Variants in UBR3 observed in about 807,000 individuals in gnomAD.
UBR3 encodes ubiquitin protein ligase E3 component n-recognin 3, also known as E3 ubiquitin-protein ligase UBR3.
UBR3 carries 85 observed loss-of-function variants against 243.2 expected under a neutral mutation model. That is an observed-to-expected ratio of 0.35 (90% confidence interval 0.29 to 0.42). UBR3 has a LOEUF of 0.42. UBR3 is among the 10% of genes least tolerant of loss of function. The pLI is 1.00. For missense variants in UBR3, 1,686 were observed against 2,300.8 expected, an observed-to-expected ratio of 0.73 and a Z score of 5.47; for synonymous variants, 748 against 799.8, an observed-to-expected ratio of 0.94 and a Z score of 1.09.
chr2:170,066,017 T>G (rs895026371), intron 35 of UBR3, among the ~76,000 whole-genome samples: 1 of 152,008 alleles, frequency 6.6e-6, no homozygotes, highest in East Asian at 1.9e-4. Flanking sequence ...TTAAGAGTTA[T>G]GTTTTCTATG....
intron 10 of UBR3, among the ~76,000 whole-genome samples, chr2:169,909,409 A>G (rs1234379594): frequency 6.6e-6 from 1 of 152,162 alleles, no homozygotes; most frequent in Non-Finnish European, 1.5e-5. Flanking sequence ...TTAAGAGGCT[A>G]TGGTAAATTG....
intron 27 of UBR3, 35 bp from the exon 28 acceptor site, chr2:170,006,955 A>C: frequency 1.3e-6 from 2 of 1,590,320 alleles, no homozygotes; most frequent in South Asian, 2.2e-5. Context: ...ATGAATGTGT[A>C]TATCACGCAT....
intron 24 of UBR3, among the ~76,000 whole-genome samples, chr2:169,959,451 A>G (rs574241438): frequency 6.6e-6 from 1 of 151,870 alleles, no homozygotes; most frequent in Non-Finnish European, 1.5e-5. Flanking sequence ...CCACAAGTGG[A>G]AAGTTTTTAA....
At chr2:170,067,936 C>G (rs2091613194) in intron 35 of UBR3, among the ~76,000 whole-genome samples, 1 of 151,624 alleles carries the variant, frequency 6.6e-6, no homozygotes, top group Non-Finnish European at 1.5e-5. Context: ...GCCTGGCTAT[C>G]TTTTTTTATT....
At chr2:169,994,507 T>C in intron 26 of UBR3, 51 bp downstream of exon 26, 1 of 1,555,470 alleles carries the variant, frequency 6.4e-7, no homozygotes, top group Non-Finnish European at 8.8e-7. Flanking sequence ...TGATGGTTAT[T>C]TCCCTCCAGA....
intron 23 of UBR3, 112 bp from the exon 24 acceptor site, chr2:169,958,326 G>T: frequency 2.6e-6 from 2 of 779,000 alleles, no homozygotes; most frequent in South Asian, 2.1e-5. Context: ...ACAGAAAATA[G>T]ATTGTTCTCA....
intron 29 of UBR3, chr2:170,014,577 T>G (rs2090181546): frequency 1.3e-5 from 2 of 152,158 alleles, no homozygotes; most frequent in East Asian, 3.8e-4. Context: ...CTGCATTAGT[T>G]TGATTTTTGA....
At chr2:169,994,193 G>T in intron 25 of UBR3, 130 bp from the exon 26 acceptor site, 2 of 1,031,490 alleles carry the variant, frequency 1.9e-6, no homozygotes, top group Admixed American at 2.7e-5. Context: ...ACTTTTTTGA[G>T]GGGTCTTTAA....
chr2:169,942,342 GAA>G (rs2086626260), intron 19 of UBR3, 149 bp from the exon 20 acceptor site: 1 of 718,366 alleles, frequency 1.4e-6, no homozygotes, highest in East Asian at 2.8e-5. Flanking sequence ...ATTGTGTAGA[GAA>G]TAGATACCTC....
rs139952453 is a variant in UBR3, at chr2:169,827,479, C to G, written c.-29C>G. ...ACTCTCCCTGGAGGAGCCGCTGGCC[C>G]TGGACTCTCCAAATTCTGAGCTCTC... On this transcript the variant is annotated 5_prime_UTR_variant, in exon 1 of 39. Transcript: ENST00000272793. The G allele has an allele frequency of 1.2e-5, 15 of 1,223,666 alleles. No individual in the cohort carries two copies. The highest frequency in any genetic ancestry group is 1.5e-5 in the Non-Finnish European group (15 of 983,028). 75.8% of individuals were successfully genotyped at this position (1,223,666 alleles called of 1,614,324 possible). A position where few individuals can be genotyped will look rare whatever the true frequency, so the allele number is the denominator to read the frequency against.
chr2:169,838,385 ATTTGTGTGTGTGTGTGTG>A (rs59421734), intron 1 of UBR3, among the ~76,000 whole-genome samples: 1,628 of 131,674 alleles, frequency 0.012, 17 homozygotes, highest in Non-Finnish European at 0.017. Flanking sequence ...AGATTAAGGC[ATTTGTGTGTGTGTGTGTG>A]TGTGTGTGTG....
intron 11 of UBR3, among the ~76,000 whole-genome samples, chr2:169,914,833 G>A (rs1437255460): frequency 7.0e-6 from 1 of 143,710 alleles, no homozygotes. Flanking sequence ...GTGGAGGGCA[G>A]GCAAATTTTA....
intron 24 of UBR3, among the ~76,000 whole-genome samples, chr2:169,981,548 C>G: frequency 6.6e-6 from 1 of 151,996 alleles, no homozygotes; most frequent in East Asian, 1.9e-4. Context: ...GAGAAACTGT[C>G]ACAGTTTCTT....
At chr2:170,043,748 T>A (rs1386983786) in intron 32 of UBR3, among the ~76,000 whole-genome samples, 1 of 152,184 alleles carries the variant, frequency 6.6e-6, no homozygotes, top group Admixed American at 6.5e-5. Context: ...GGGAGCCAAA[T>A]AGCTAGGTAT....
At chr2:169,894,648 G>A (rs1443038785) in intron 6 of UBR3, among the ~76,000 whole-genome samples, 1 of 152,184 alleles carries the variant, frequency 6.6e-6, no homozygotes, top group East Asian at 1.9e-4. Context: ...CTGGGGAGAT[G>A]TGGTATGAAC....
At chr2:169,904,632 G>A (rs1396355019) in intron 8 of UBR3, among the ~76,000 whole-genome samples, 1 of 151,780 alleles carries the variant, frequency 6.6e-6, no homozygotes, top group East Asian at 1.9e-4. Flanking sequence ...GCTAAAGATT[G>A]TATTGATGTA....
intron 32 of UBR3, among the ~76,000 whole-genome samples, chr2:170,047,771 A>C (rs1313351886): frequency 6.6e-6 from 1 of 152,182 alleles, no homozygotes; most frequent in Non-Finnish European, 1.5e-5. Flanking sequence ...TGCCATTCTG[A>C]GTAGTACACT....
intron 28 of UBR3, 56 bp from the exon 29 acceptor site, chr2:170,008,748 C>A (rs1281100788): frequency 1.1e-6 from 1 of 877,140 alleles, no homozygotes; most frequent in Non-Finnish European, 1.7e-6. Context: ...TAGTTTCAGA[C>A]CATTATTAAA....
intron 11 of UBR3, among the ~76,000 whole-genome samples, chr2:169,914,794 G>A (rs1445742574): frequency 2.0e-5 from 3 of 152,130 alleles, no homozygotes; most frequent in African/African-American, 7.2e-5. Context: ...TGGGCACACA[G>A]AACCGTTGCT....
Sources: gnomAD v4.1 joint callset for allele counts (sites outside exome capture counted in the v4.1 genomes callset) on GRCh38, gnomAD v4.1.1 for gene constraint, MANE v1.5 for transcripts, NCBI Gene and HGNC (gene_info 2026-07-23, HGNC 2026-07-21) for gene names.